QTGAL: variants seen among roughly 807,000 people sequenced by gnomAD.
QTGAL encodes the protein BGnT-like protein 1.
chr17:83,012,990 A>G, the QTGAL span, among the ~76,000 whole-genome samples: 2 of 152,100 alleles, frequency 1.3e-5, no homozygotes, highest in Non-Finnish European at 2.9e-5. Context: ...AAACTTCCAG[A>G]AACTGACTTC....
the QTGAL span, among the ~76,000 whole-genome samples, chr17:83,031,268 C>T: frequency 2.0e-5 from 3 of 151,862 alleles, no homozygotes. Context: ...ACGGGTCCCT[C>T]GCAGGACCAG....
chr17:82,967,257 G>C, the QTGAL span, among the ~76,000 whole-genome samples: 1 of 152,218 alleles, frequency 6.6e-6, no homozygotes, highest in African/African-American at 2.4e-5. Flanking sequence ...TGGCTGAAGT[G>C]ATGTTTTCCT....
chr17:83,035,562 G>C, the QTGAL span, among the ~76,000 whole-genome samples: 1 of 149,290 alleles, frequency 6.7e-6, no homozygotes, highest in Non-Finnish European at 1.5e-5. Flanking sequence ...AAGTCAGAGA[G>C]AGACAATATT....
chr17:83,006,836 T>C, the QTGAL span: 2 of 982,342 alleles, frequency 2.0e-6, no homozygotes, highest in Non-Finnish European at 2.4e-6. The surrounding 1 kb of genome is among the most constrained non-coding windows in gnomAD (Gnocchi z 5.8). Flanking sequence ...TTCAATCCAC[T>C]GGGATAAATG....
the QTGAL span, among the ~76,000 whole-genome samples, chr17:82,972,018 T>C: frequency 2.2e-3 from 38 of 16,988 alleles, 1 homozygote; most frequent in Admixed American, 9.0e-3. Flanking sequence ...CCACAGGGGC[T>C]AGAAGGACCT....
chr17:83,035,964 C>T, the QTGAL span, among the ~76,000 whole-genome samples: 2 of 151,906 alleles, frequency 1.3e-5, no homozygotes, highest in Non-Finnish European at 2.9e-5. Context: ...CTGGGCTGGA[C>T]GCGTGGTGGG....
chr17:83,050,366 A>C, the QTGAL span, among the ~76,000 whole-genome samples: 1 of 147,066 alleles, frequency 6.8e-6, no homozygotes, highest in East Asian at 2.0e-4. Flanking sequence ...GTGAAACTCC[A>C]TTTCAAAAAA....
chr17:83,018,011 C>T, the QTGAL span, among the ~76,000 whole-genome samples: 28 of 107,192 alleles, frequency 2.6e-4, 2 homozygotes, highest in African/African-American at 7.6e-4. Flanking sequence ...GAACACCGTG[C>T]GCCTGTATCA....
the QTGAL span, among the ~76,000 whole-genome samples, chr17:82,962,527 G>A: frequency 7.2e-6 from 1 of 138,794 alleles, no homozygotes; most frequent in African/African-American, 2.6e-5. Flanking sequence ...AGGCTCCCGC[G>A]GGTGCTGGTG....
At chr17:82,972,696 CCA>C in the QTGAL span, among the ~76,000 whole-genome samples, 9 of 129,914 alleles carry the variant, frequency 6.9e-5, no homozygotes, top group Non-Finnish European at 1.2e-4. Flanking sequence ...CCACACCACA[CCA>C]CAGGGGCCAG....
the QTGAL span, chr17:82,947,021 T>C: frequency 3.9e-6 from 6 of 1,540,230 alleles, no homozygotes; most frequent in Admixed American, 1.2e-4. Flanking sequence ...TCCGGTCTCC[T>C]GGCTCTAGGA....
the QTGAL span, chr17:83,051,662 G>C: frequency 8.8e-5 from 116 of 1,320,088 alleles, no homozygotes; most frequent in African/African-American, 1.7e-3. Flanking sequence ...CGGAGCGAGA[G>C]AGGACTGGAG....
At chr17:82,957,491 C>T in the QTGAL span, 61 of 1,600,956 alleles carry the variant, frequency 3.8e-5, no homozygotes, top group Non-Finnish European at 4.9e-5. Flanking sequence ...TCCAGATGGT[C>T]GTCCTGCGGT....
chr17:82,991,233 G>C, the QTGAL span, among the ~76,000 whole-genome samples: 1 of 152,132 alleles, frequency 6.6e-6, no homozygotes, highest in Admixed American at 6.5e-5. Context: ...GGGGAGCAAG[G>C]TGGCTGATAT....
At chr17:82,971,582 T>C in the QTGAL span, among the ~76,000 whole-genome samples, 36,424 of 119,758 alleles carry the variant, frequency 0.3, 4,625 homozygotes, top group South Asian at 0.4. Flanking sequence ...ACCACACTCA[T>C]AGGGGCCAGA....
chr17:83,018,870 C>G, the QTGAL span, among the ~76,000 whole-genome samples: 2 of 152,208 alleles, frequency 1.3e-5, no homozygotes, highest in African/African-American at 4.8e-5. Flanking sequence ...TCCAAATGAG[C>G]CTCTGGGACA....
At chr17:82,973,932 C>T in the QTGAL span, among the ~76,000 whole-genome samples, 12 of 152,226 alleles carry the variant, frequency 7.9e-5, no homozygotes, top group Non-Finnish European at 1.5e-4. Flanking sequence ...AGGTGGGCCC[C>T]GTGTACCTGT....
the QTGAL span, chr17:82,961,263 G>A: frequency 6.6e-7 from 1 of 1,519,690 alleles, no homozygotes; most frequent in Non-Finnish European, 8.9e-7. Flanking sequence ...CCTGCGCTCA[G>A]CCGGCCAACC....
the QTGAL span, among the ~76,000 whole-genome samples, chr17:82,968,446 A>C: frequency 1.5e-5 from 2 of 135,970 alleles, no homozygotes; most frequent in African/African-American, 5.1e-5. Flanking sequence ...GCAACAGGGA[A>C]GGGAGGCCAG....
Sources: allele counts gnomAD v4.1 joint callset (sites outside exome capture counted in the v4.1 genomes callset), GRCh38; gene constraint gnomAD v4.1.1; non-coding constraint Gnocchi (gnomAD v3.1); transcripts MANE v1.5; gene names NCBI Gene and HGNC (gene_info 2026-07-23, HGNC 2026-07-21).